Variants in ZNF704 observed in about 807,000 individuals in gnomAD.
The protein encoded by ZNF704 is glucocorticoid induced gene 1.
Under a neutral mutation model 44.7 loss-of-function variants are expected in ZNF704, and 10 were observed. The ratio of observed to expected loss-of-function variants is 0.22; its 90% CI spans 0.14 to 0.38. ZNF704 has a LOEUF of 0.38. Among genes scored for constraint, ZNF704 ranks in the 10% least tolerant of loss-of-function variants. ZNF704 has a pLI of 1.00. For missense variants in ZNF704, 390 were observed against 545.5 expected (o/e 0.71, Z 2.84); for synonymous variants, 211 against 207.6 (o/e 1.02, Z -0.14).
At chr8:80,849,323 G>A (rs1017657983) in intron 1 of ZNF704, among the ~76,000 whole-genome samples, 1 of 152,154 alleles carries the variant, frequency 6.6e-6, no homozygotes, top group Non-Finnish European at 1.5e-5. Context: ...ATGGGTGGTA[G>A]GTTGACCACC....
intron 2 of ZNF704, among the ~76,000 whole-genome samples, chr8:80,753,234 C>T (rs1806978094): frequency 6.6e-6 from 1 of 152,110 alleles, no homozygotes; most frequent in South Asian, 2.1e-4. Context: ...GCAAACCTGC[C>T]CAGGCTCCTG....
intron 2 of ZNF704, among the ~76,000 whole-genome samples, chr8:80,765,102 A>G (rs1807206132): frequency 6.6e-6 from 1 of 152,172 alleles, no homozygotes; most frequent in South Asian, 2.1e-4. Flanking sequence ...CTAATGGTAT[A>G]ACTCTCAGTT....
At chr8:80,843,458 G>A (rs1808714511) in intron 1 of ZNF704, among the ~76,000 whole-genome samples, 1 of 152,128 alleles carries the variant, frequency 6.6e-6, no homozygotes, top group South Asian at 2.1e-4. Flanking sequence ...GCATCTGAAG[G>A]ATATTCCACA....
chr8:80,656,880 A>C (rs2131602502), intron 7 of ZNF704, among the ~76,000 whole-genome samples: 1 of 152,296 alleles, frequency 6.6e-6, no homozygotes, highest in Middle Eastern at 3.4e-3. Context: ...ATTTTATCAC[A>C]TGAATATTTC....
At chr8:80,672,925 T>TA (rs558048004) in intron 4 of ZNF704, among the ~76,000 whole-genome samples, 12 of 147,576 alleles carry the variant, frequency 8.1e-5, no homozygotes, top group South Asian at 2.1e-4. Flanking sequence ...AAGTTGAACT[T>TA]AAAAAAAAAA....
chr8:80,826,226 T>TA (rs758058035), intron 1 of ZNF704, among the ~76,000 whole-genome samples: 53 of 151,814 alleles, frequency 3.5e-4, no homozygotes, highest in Non-Finnish European at 6.6e-4. Flanking sequence ...ATAGACACAA[T>TA]AAAAAATCAT....
intron 2 of ZNF704, among the ~76,000 whole-genome samples, chr8:80,739,840 C>T (rs1220993889): frequency 1.3e-5 from 2 of 152,140 alleles, no homozygotes; most frequent in Non-Finnish European, 2.9e-5. Context: ...CGTCCATGTC[C>T]CTTATGTCAA....
At chr8:80,712,002 T>C (rs1054857566) in intron 2 of ZNF704, among the ~76,000 whole-genome samples, 1 of 152,210 alleles carries the variant, frequency 6.6e-6, no homozygotes, top group South Asian at 2.1e-4. Context: ...TGCTCTGCTA[T>C]GGTTTGAATT....
chr8:80,654,057 T>C (rs1181234440), intron 7 of ZNF704, among the ~76,000 whole-genome samples: 1 of 152,190 alleles, frequency 6.6e-6, no homozygotes, highest in Non-Finnish European at 1.5e-5. Context: ...TTATCTGATC[T>C]TTGACAAACC....
chr8:80,837,272 T>TA (rs530703128), intron 1 of ZNF704, among the ~76,000 whole-genome samples: 191 of 152,316 alleles, frequency 1.3e-3, no homozygotes, highest in African/African-American at 4.4e-3. Context: ...ATTCTTTCCT[T>TA]ATCAAAGTAT....
intron 4 of ZNF704, among the ~76,000 whole-genome samples, chr8:80,676,586 T>C (rs1267456435): frequency 3.3e-5 from 5 of 152,164 alleles, no homozygotes; most frequent in African/African-American, 1.2e-4. Flanking sequence ...AGGCAGGAAG[T>C]GGGGTCAGAA....
chr8:80,693,202 C>T (rs1295932500), intron 2 of ZNF704, 95 bp from the exon 3 acceptor site: 2 of 1,021,924 alleles, frequency 2.0e-6, no homozygotes, highest in African/African-American at 3.1e-5. Flanking sequence ...ACTCCATTAA[C>T]TTATCCCCAT....
rs894601805 is a variant in ZNF704 at position 80,768,792 on chromosome 8, C to T, written c.221+52582G>A. Among the ~76,000 whole-genome samples, 5 of 152,116 alleles carry T rather than the reference C, an allele frequency of 3.3e-5. No individual in the cohort carries two copies. In the East Asian group the frequency reaches 7.7e-4, roughly 24 times the overall value. On this transcript the variant is annotated intron_variant, in intron 2 of 8. Coordinates refer to ENST00000327835, the MANE Select transcript of ZNF704 (RefSeq NM_001033723.3). ...TGTCATTTTAGTAGCCTGAAATTGG[C>T]CATAGAGGAGTATTTACACCAGAGA... is the stretch of plus-strand genomic sequence containing the variant.
chr8:80,682,177 G>T (rs185800491), intron 4 of ZNF704, among the ~76,000 whole-genome samples: 1 of 152,288 alleles, frequency 6.6e-6, no homozygotes, highest in Non-Finnish European at 1.5e-5. Flanking sequence ...ATTCGTGAGG[G>T]TTTTACGGGT....
chr8:80,848,278 A>G (rs1808799814), intron 1 of ZNF704, among the ~76,000 whole-genome samples: 1 of 152,230 alleles, frequency 6.6e-6, no homozygotes, highest in Non-Finnish European at 1.5e-5. Flanking sequence ...TAAGGGCAAC[A>G]TGAGGGATCC....
intron 4 of ZNF704, 21 bp from the exon 5 acceptor site, chr8:80,670,624 T>C (rs1452310156): frequency 1.3e-6 from 2 of 1,495,940 alleles, no homozygotes; most frequent in African/African-American, 2.8e-5. Flanking sequence ...GAGAGAGTGA[T>C]ATTAGAATGG....
chr8:80,692,084 T>C (rs1426961469), intron 3 of ZNF704, among the ~76,000 whole-genome samples: 1 of 152,150 alleles, frequency 6.6e-6, no homozygotes, highest in African/African-American at 2.4e-5. Context: ...ACTTTAATAG[T>C]GCTCCCATAG....
intron 2 of ZNF704, among the ~76,000 whole-genome samples, chr8:80,711,626 C>A (rs568817073): frequency 6.6e-6 from 1 of 152,124 alleles, no homozygotes; most frequent in Admixed American, 6.5e-5. Flanking sequence ...GGACAGAACA[C>A]CAGTGTGACT....
chr8:80,703,792 T>C lies in ZNF704; in HGVS notation c.222-10685A>G, dbSNP rs80300702. Among the ~76,000 whole-genome samples the C allele has an allele frequency of 3.1e-3, 467 of 152,312 alleles. 6 individuals carry two copies. Among genetic ancestry groups the C allele is most frequent in the African/African-American group, 0.011 (455 of 41,578 alleles). ...GCCCAGCCTTGGAGTAAGTTCATAATGAAGGTTTTGTGGACAAATAAGCAT... is the reference window on the plus strand; with the variant it reads ...GCCCAGCCTTGGAGTAAGTTCATAACGAAGGTTTTGTGGACAAATAAGCAT... On this transcript the variant is annotated intron_variant, in intron 2 of 8. Coordinates refer to ENST00000327835, the MANE Select transcript of ZNF704 (RefSeq NM_001033723.3).
Sources: gnomAD v4.1 joint callset for allele counts (sites outside exome capture counted in the v4.1 genomes callset) on GRCh38, gnomAD v4.1.1 for gene constraint, MANE v1.5 for transcripts, NCBI Gene and HGNC (gene_info 2026-07-23, HGNC 2026-07-21) for gene names.